Variants in LRRN1 observed in about 807,000 individuals in gnomAD.
The protein encoded by LRRN1 is leucine-rich repeat neuronal protein 1.
A neutral mutation model predicts 45.8 loss-of-function variants in LRRN1; 14 were observed. That is an observed-to-expected ratio of 0.31 (90% CI 0.20 to 0.48). The LOEUF (loss-of-function observed/expected upper bound fraction) is 0.48. Ranked by LOEUF, LRRN1 falls within the 20% of genes least tolerant of loss-of-function variation. The pLI, the probability that LRRN1 is intolerant of heterozygous loss-of-function variation, is 0.99. For missense variants in LRRN1, 789 were observed against 874.2 expected (o/e 0.90, Z 1.23); for synonymous variants, 359 against 330.1 (o/e 1.09, Z -0.95).
intron 1 of LRRN1, among the ~76,000 whole-genome samples, chr3:3,823,765 T>C (rs1575288668): frequency 6.8e-6 from 1 of 147,558 alleles, no homozygotes; most frequent in African/African-American, 2.7e-5. Flanking sequence ...AGACTGTGCC[T>C]TTCTTTTTAA....
chr3:3,846,800 G>A lies in LRRN1; in HGVS notation c.*8G>A. On this transcript the variant is annotated 3_prime_UTR_variant, in exon 2 of 2. Transcript: ENST00000319331. The surrounding 1 kb of genome is among the most constrained non-coding windows in gnomAD (Gnocchi z 5.7). ...AGCTATTACATGTGGTAACTCAGAG[G>A]ATATTTTGCTTCTGGTAGTAAGGAG... 6.3e-7 allele frequency: 1 copy of A among 1,577,642 alleles called. No homozygotes were observed. Among genetic ancestry groups the A allele is most frequent in the Non-Finnish European group, 8.6e-7 (1 of 1,165,368 alleles).
intron 1 of LRRN1, among the ~76,000 whole-genome samples, chr3:3,809,444 A>G (rs368650010): frequency 6.6e-6 from 1 of 152,204 alleles, no homozygotes; most frequent in South Asian, 2.1e-4. Context: ...GCCCCCGGCC[A>G]TGAAAAGTAT....
At chr3:3,808,895 C>T (rs891889349) in intron 1 of LRRN1, among the ~76,000 whole-genome samples, 1 of 151,992 alleles carries the variant, frequency 6.6e-6, no homozygotes, top group African/African-American at 2.4e-5. Flanking sequence ...ATTAACAGAA[C>T]ATATTTATAA....
intron 1 of LRRN1, among the ~76,000 whole-genome samples, chr3:3,817,634 T>C (rs974761323): frequency 2.0e-4 from 31 of 152,172 alleles, no homozygotes; most frequent in African/African-American, 7.5e-4. Context: ...TCAGGCTCTT[T>C]AGAGAAATAT....
At chr3:3,840,120 T>C (rs1693615548) in intron 1 of LRRN1, among the ~76,000 whole-genome samples, 1 of 152,194 alleles carries the variant, frequency 6.6e-6, no homozygotes, top group Non-Finnish European at 1.5e-5. Context: ...ACTTTTCATA[T>C]GTGACTTTTA....
chr3:3,822,643 A>G (rs957817578), intron 1 of LRRN1: 3 of 152,248 alleles, frequency 2.0e-5, no homozygotes, highest in African/African-American at 7.2e-5. Context: ...GAGGCTTACC[A>G]TTAAACTGCA....
chr3:3,831,958 G>A (rs541963351), intron 1 of LRRN1, among the ~76,000 whole-genome samples: 2 of 152,368 alleles, frequency 1.3e-5, no homozygotes, highest in South Asian at 4.1e-4. Flanking sequence ...GGGCCTTATG[G>A]ACAGAAATGG....
chr3:3,806,416 G>A (rs921700690), intron 1 of LRRN1, among the ~76,000 whole-genome samples: 5 of 152,212 alleles, frequency 3.3e-5, no homozygotes, highest in African/African-American at 1.2e-4. Flanking sequence ...TGCCACACAA[G>A]TGCTCAGCAG....
chr3:3,837,717 T>TA (rs1693554389), intron 1 of LRRN1, among the ~76,000 whole-genome samples: 4 of 151,526 alleles, frequency 2.6e-5, no homozygotes, highest in African/African-American at 9.7e-5. Context: ...TCTTTTTTTT[T>TA]AATTAATTTT....
chr3:3,822,532 C>T (rs1351706210), intron 1 of LRRN1, among the ~76,000 whole-genome samples: 1 of 152,048 alleles, frequency 6.6e-6, no homozygotes, highest in Non-Finnish European at 1.5e-5. Flanking sequence ...AAGGATTTAA[C>T]TTGTTTGAAA....
chr3:3,847,707 C>T lies in LRRN1; in HGVS notation c.*915C>T, dbSNP rs1693807678. The stretch of plus-strand genomic sequence containing the variant: ...CATAAAAACAACTACCAAAATAAAT[C>T]AGCTGTAGCATGTTGCTTTTTAAAG... On this transcript the variant is annotated 3_prime_UTR_variant, in exon 2 of 2. Transcript: ENST00000319331. 1 of 166,634 alleles carries T rather than the reference C, an allele frequency of 6.0e-6. No homozygotes were observed. Among genetic ancestry groups the T allele is most frequent in the African/African-American group, 2.4e-5 (1 of 41,438 alleles). 10.3% of individuals were successfully genotyped at this position (166,634 alleles called of 1,614,324 possible). A position where few individuals can be genotyped will look rare whatever the true frequency, so the allele number is the denominator to read the frequency against.
intron 1 of LRRN1, among the ~76,000 whole-genome samples, chr3:3,823,495 G>A (rs143861807): frequency 9.2e-5 from 14 of 152,150 alleles, no homozygotes; most frequent in African/African-American, 2.9e-4. Flanking sequence ...TTTTCTTATC[G>A]GAAGAGTAGA....
chr3:3,829,296 A>T (rs551331606), intron 1 of LRRN1, among the ~76,000 whole-genome samples: 1 of 152,238 alleles, frequency 6.6e-6, no homozygotes, highest in Non-Finnish European at 1.5e-5. Context: ...CCAGGTGGCA[A>T]TCTTCCAGTT....
chr3:3,836,236 A>G (rs1575297813), intron 1 of LRRN1, among the ~76,000 whole-genome samples: 1 of 152,334 alleles, frequency 6.6e-6, no homozygotes, highest in East Asian at 1.9e-4. Flanking sequence ...ACCATCTCTC[A>G]ATTTTAAGTG....
intron 1 of LRRN1, among the ~76,000 whole-genome samples, chr3:3,821,437 C>G (rs1693103228): frequency 6.6e-6 from 1 of 152,148 alleles, no homozygotes; most frequent in South Asian, 2.1e-4. Flanking sequence ...CTCTTTACTC[C>G]TCCCTTTTGA....
At chr3:3,805,371 G>A (rs1391196596) in intron 1 of LRRN1, among the ~76,000 whole-genome samples, 1 of 152,170 alleles carries the variant, frequency 6.6e-6, no homozygotes, top group Non-Finnish European at 1.5e-5. Flanking sequence ...ATAGTGATAA[G>A]TCTTAGTTTG....
chr3:3,813,152 C>A (rs1692915342), intron 1 of LRRN1, among the ~76,000 whole-genome samples: 1 of 152,162 alleles, frequency 6.6e-6, no homozygotes, highest in Non-Finnish European at 1.5e-5. Flanking sequence ...TGCACTTAGC[C>A]ACATCTGGCT....
At position 3,845,195 on chromosome 3, in the gene LRRN1, G is replaced by A. The variant is rs748771430; in HGVS notation, c.554G>A (p.Arg185His). The A allele has an allele frequency of 1.7e-5, 28 of 1,613,968 alleles. No homozygotes were observed. The highest frequency in any genetic ancestry group is 1.9e-5 in the Non-Finnish European group (23 of 1,180,034). The change falls in exon 2 of 2, where the codon CGC becomes CAC. Residue 185 changes from arginine to histidine, a missense_variant. Transcript: ENST00000319331. This position sits in a 1 kb window ranked among gnomAD's most constrained non-coding sequence, Gnocchi z 6.5. ...AACAAATTGAAAGTTATTGATAGTC[G>A]CTGGTTTGATTCTACACCCAACCTG... ...NSNKLKVIDSRWFDSTPNLEI... is the reference protein window; with the variant it reads ...NSNKLKVIDSHWFDSTPNLEI...
At chr3:3,814,263 C>A (rs1027329739) in intron 1 of LRRN1, among the ~76,000 whole-genome samples, 1 of 149,432 alleles carries the variant, frequency 6.7e-6, no homozygotes, top group South Asian at 2.2e-4. Flanking sequence ...TCCCATAGTT[C>A]CCCTGTAAAG....
Sources: gnomAD v4.1 joint callset for allele counts (sites outside exome capture counted in the v4.1 genomes callset) on GRCh38, gnomAD v4.1.1 for gene constraint, Gnocchi (gnomAD v3.1) non-coding constraint, MANE v1.5 for transcripts, NCBI Gene and HGNC (gene_info 2026-07-23, HGNC 2026-07-21) for gene names.